Variants in UGGT2 observed in about 807,000 individuals in gnomAD.
UGGT2 encodes UDP-glucose:glycoprotein glucosyltransferase 2.
In UGGT2, 180 loss-of-function variants were observed where a neutral mutation model predicts 192.1. The observed-to-expected ratio is 0.94, with a 90% CI of 0.83 to 1.06. The LOEUF is 1.06. Ranked by LOEUF, UGGT2 falls within the 50% of genes least tolerant of loss-of-function variation. The pLI is 0.00. For missense variants in UGGT2, 1,849 were observed against 1,795.7 expected (o/e 1.03, Z -0.54); for synonymous variants, 580 against 591.0 (o/e 0.98, Z 0.27).
intron 2 of UGGT2, among the ~76,000 whole-genome samples, chr13:96,028,451 A>G (rs1488972055): frequency 6.6e-6 from 1 of 152,248 alleles, no homozygotes; most frequent in African/African-American, 2.4e-5. Flanking sequence ...GTAAAAATAA[A>G]CAGGCATTTG....
chr13:96,035,493 TA>T (rs2052975471), intron 1 of UGGT2, among the ~76,000 whole-genome samples: 1 of 152,162 alleles, frequency 6.6e-6, no homozygotes, highest in African/African-American at 2.4e-5. Context: ...ATTCAGGACA[TA>T]GACACAAGCA....
chr13:95,824,537 T>C (rs76691924), intron 38 of UGGT2, among the ~76,000 whole-genome samples: 1,739 of 152,294 alleles, frequency 0.011, 34 homozygotes, highest in African/African-American at 0.04. Context: ...AAGCCTATCT[T>C]TGAGCTCTAA....
intron 38 of UGGT2, among the ~76,000 whole-genome samples, chr13:95,830,738 A>C (rs112847633): frequency 6.6e-6 from 1 of 152,114 alleles, no homozygotes; most frequent in East Asian, 1.9e-4. Context: ...CAAGGATCTA[A>C]AACTAGAAAT....
chr13:95,810,978 C>G (rs542487229), intron 38 of UGGT2, among the ~76,000 whole-genome samples: 1 of 152,228 alleles, frequency 6.6e-6, no homozygotes, highest in East Asian at 1.9e-4. Flanking sequence ...AAAAGATATA[C>G]AGACTGCCAA....
intron 38 of UGGT2, among the ~76,000 whole-genome samples, chr13:95,817,079 G>T (rs1333477294): frequency 6.6e-6 from 1 of 152,108 alleles, no homozygotes; most frequent in African/African-American, 2.4e-5. Context: ...AGTGAGCTGA[G>T]ATCACACCAT....
intron 12 of UGGT2, among the ~76,000 whole-genome samples, chr13:95,950,378 C>G (rs1594416931): frequency 6.6e-6 from 1 of 151,604 alleles, no homozygotes; most frequent in South Asian, 2.1e-4. Context: ...CATTTGAGAC[C>G]CAGTAAGGCC....
intron 34 of UGGT2, among the ~76,000 whole-genome samples, chr13:95,854,765 T>A (rs1486678040): frequency 6.6e-6 from 1 of 152,066 alleles, no homozygotes; most frequent in Non-Finnish European, 1.5e-5. Context: ...GAATCAGACA[T>A]TTGGGGAAGG....
At chr13:96,007,671 G>A (rs1203244629) in intron 5 of UGGT2, among the ~76,000 whole-genome samples, 1 of 151,934 alleles carries the variant, frequency 6.6e-6, no homozygotes, top group Non-Finnish European at 1.5e-5. Context: ...ACAACATTCT[G>A]AAAATGTTAC....
chr13:95,920,640 A>G (rs773911202), intron 20 of UGGT2, among the ~76,000 whole-genome samples: 5 of 152,252 alleles, frequency 3.3e-5, no homozygotes, highest in Non-Finnish European at 7.3e-5. Context: ...CCACAATGAG[A>G]TAACATCTCA....
At chr13:96,043,732 A>G (rs578197686) in intron 1 of UGGT2, among the ~76,000 whole-genome samples, 34 of 152,302 alleles carry the variant, frequency 2.2e-4, no homozygotes, top group African/African-American at 7.7e-4. Context: ...TATGAGATAA[A>G]ACAAATGTTA....
At chr13:95,856,384 G>A in intron 33 of UGGT2, 44 bp from the exon 34 acceptor site, 3 of 1,565,786 alleles carry the variant, frequency 1.9e-6, no homozygotes, top group Non-Finnish European at 2.6e-6. Flanking sequence ...TCAAGAGAAA[G>A]TAGTTTTGTT....
At chr13:95,979,326 T>G (rs185174308) in intron 10 of UGGT2, among the ~76,000 whole-genome samples, 62 of 152,238 alleles carry the variant, frequency 4.1e-4, no homozygotes, top group African/African-American at 1.4e-3. Flanking sequence ...AACTTGAGCA[T>G]AGTCATAGTT....
chr13:96,042,499 T>C (rs911732329), intron 1 of UGGT2, among the ~76,000 whole-genome samples: 2 of 151,818 alleles, frequency 1.3e-5, no homozygotes, highest in African/African-American at 4.8e-5. Flanking sequence ...TCACCAGCAA[T>C]AGATCCAAAC....
chr13:95,859,818 C>CAG, intron 32 of UGGT2, 143 bp from the exon 33 acceptor site: 1 of 549,296 alleles, frequency 1.8e-6, no homozygotes. Flanking sequence ...GCAGAACATA[C>CAG]AGGTTTGTTA....
At chr13:95,939,776 G>T (rs1366135338) in intron 16 of UGGT2, among the ~76,000 whole-genome samples, 181 bp downstream of exon 16, 1 of 151,954 alleles carries the variant, frequency 6.6e-6, no homozygotes, top group Non-Finnish European at 1.5e-5. Context: ...TAGTCTAACT[G>T]AAATTTTGTA....
At chr13:95,833,621 TAA>T (rs889514551) in intron 37 of UGGT2, among the ~76,000 whole-genome samples, 1 of 152,078 alleles carries the variant, frequency 6.6e-6, no homozygotes, top group Admixed American at 6.6e-5. Flanking sequence ...CTTGGGAAAT[TAA>T]AGTTAAAAGC....
chr13:96,050,465 C>A (rs554001216), intron 1 of UGGT2, among the ~76,000 whole-genome samples: 3 of 152,108 alleles, frequency 2.0e-5, no homozygotes, highest in Non-Finnish European at 4.4e-5. Context: ...GCAACAAAAG[C>A]CAAAACTGAC....
At chr13:95,988,410 G>A (rs2051356882) in intron 8 of UGGT2, among the ~76,000 whole-genome samples, 1 of 152,072 alleles carries the variant, frequency 6.6e-6, no homozygotes, top group Non-Finnish European at 1.5e-5. Context: ...TACTACCTCA[G>A]TTTAGTGTTA....
At chr13:96,028,911 C>T (rs144907320) in intron 2 of UGGT2, among the ~76,000 whole-genome samples, 4,022 of 152,010 alleles carry the variant, frequency 0.026, 62 homozygotes, top group Non-Finnish European at 0.034. Context: ...TTTGGGAGGC[C>T]GAGGTGGGCG....
Sources: gnomAD v4.1 joint callset for allele counts (sites outside exome capture counted in the v4.1 genomes callset) on GRCh38, gnomAD v4.1.1 for gene constraint, MANE v1.5 for transcripts, NCBI Gene and HGNC (gene_info 2026-07-23, HGNC 2026-07-21) for gene names.